Variants in ZFHX4 observed in about 807,000 individuals in gnomAD.
ZFHX4 encodes the protein zinc finger homeobox 4.
A neutral mutation model predicts 267.6 loss-of-function variants in ZFHX4; 56 were observed. The observed-to-expected ratio is 0.21, with a 90% CI of 0.17 to 0.26. ZFHX4 has a LOEUF of 0.26. ZFHX4 is among the 10% of genes least tolerant of loss of function. The probability of loss-of-function intolerance (pLI) is 1.00; values close to 1 mark genes in which losing one functional copy is unlikely to be tolerated. For missense variants in ZFHX4, 4,332 were observed against 4,420.0 expected, an observed-to-expected ratio of 0.98 and a Z score of 0.56; for synonymous variants, 1,778 against 1,665.6, an observed-to-expected ratio of 1.07 and a Z score of -1.64.
At chr8:76,754,365 T>C (rs1286227644) in intron 3 of ZFHX4, among the ~76,000 whole-genome samples, 3 of 152,176 alleles carry the variant, frequency 2.0e-5, no homozygotes, top group Non-Finnish European at 4.4e-5. Context: ...GGTGCGCACC[T>C]GTAATCCCAG....
At chr8:76,783,593 A>G (rs1810610614) in intron 4 of ZFHX4, among the ~76,000 whole-genome samples, 1 of 152,036 alleles carries the variant, frequency 6.6e-6, no homozygotes, top group African/African-American at 2.4e-5. Context: ...ATGTATATAA[A>G]ATATGTGTGC....
intron 3 of ZFHX4, among the ~76,000 whole-genome samples, chr8:76,754,903 T>G (rs1809723020): frequency 6.6e-6 from 1 of 152,162 alleles, no homozygotes; most frequent in Non-Finnish European, 1.5e-5. Flanking sequence ...GAGATCATGT[T>G]TCTTTAGCTC....
At chr8:76,760,323 A>G (rs1051738619) in intron 3 of ZFHX4, among the ~76,000 whole-genome samples, 1 of 152,194 alleles carries the variant, frequency 6.6e-6, no homozygotes, top group African/African-American at 2.4e-5. Context: ...GCAGACACAA[A>G]TTGTTTTATT....
chr8:76,756,715 C>G (rs1809773298), intron 3 of ZFHX4, among the ~76,000 whole-genome samples: 1 of 152,024 alleles, frequency 6.6e-6, no homozygotes, highest in African/African-American at 2.4e-5. Flanking sequence ...TGTCTTTTCC[C>G]TTTTCCCAGT....
chr8:76,789,452 G>A (rs1810778050), intron 4 of ZFHX4, among the ~76,000 whole-genome samples: 1 of 152,094 alleles, frequency 6.6e-6, no homozygotes, highest in African/African-American at 2.4e-5. Flanking sequence ...ATTGTTTTTA[G>A]CTTTCTGCAT....
In ZFHX4 at chr8:76,690,874, T is replaced by C. The variant is rs533272589; in HGVS notation, c.-47+9254T>C. Among the ~76,000 whole-genome samples the C allele has an allele frequency of 2.6e-5, 4 of 152,148 alleles. 1 individual carries two copies. In the South Asian group the frequency reaches 8.3e-4, roughly 32 times the overall value. ...CTTCTAAGAATTGGCCAATATAATC[T>C]CAACAGAAAAGAGCAACTAGGATGG... On this transcript the variant is annotated intron_variant, in intron 1 of 10. Transcript: ENST00000651372.
chr8:76,700,922 C>G (rs570082165), intron 1 of ZFHX4, among the ~76,000 whole-genome samples: 29 of 152,114 alleles, frequency 1.9e-4, no homozygotes, highest in Non-Finnish European at 3.8e-4. Context: ...AGTGAGTTAA[C>G]TTGTTATGCA....
intron 5 of ZFHX4, among the ~76,000 whole-genome samples, chr8:76,838,177 G>A (rs185998267): frequency 1.1e-4 from 16 of 152,268 alleles, no homozygotes; most frequent in African/African-American, 3.6e-4. Context: ...TTCTTGAACG[G>A]TGGTTACAAA....
intron 5 of ZFHX4, chr8:76,834,003 G>C (rs989961168): frequency 3.7e-6 from 1 of 266,678 alleles, no homozygotes; most frequent in African/African-American, 2.3e-5. Context: ...TTTTTAGATT[G>C]GTTTCATTCA....
At chr8:76,809,852 A>G (rs1249836485) in intron 4 of ZFHX4, among the ~76,000 whole-genome samples, 1 of 152,186 alleles carries the variant, frequency 6.6e-6, no homozygotes, top group Non-Finnish European at 1.5e-5. Context: ...AAAATAACCC[A>G]GAGTTAACTT....
intron 1 of ZFHX4, among the ~76,000 whole-genome samples, chr8:76,686,295 C>T (rs1452978066): frequency 6.6e-6 from 1 of 152,132 alleles, no homozygotes; most frequent in East Asian, 1.9e-4. Flanking sequence ...TGTTTTTCTT[C>T]AAGATTCCTG....
chr8:76,702,929 A>G (rs893302195), intron 1 of ZFHX4, among the ~76,000 whole-genome samples: 6 of 151,852 alleles, frequency 4.0e-5, no homozygotes, highest in Admixed American at 1.3e-4. Context: ...GCTGTAATCA[A>G]ACTGCTATTA....
At chr8:76,730,452 G>A (rs111596220) in intron 3 of ZFHX4, among the ~76,000 whole-genome samples, 7,549 of 152,186 alleles carry the variant, frequency 0.05, 396 homozygotes, top group East Asian at 0.24. Flanking sequence ...TGTAATCCTA[G>A]CACTTTGGGA....
At chr8:76,731,946 A>T (rs993883898) in intron 3 of ZFHX4, among the ~76,000 whole-genome samples, 5 of 151,620 alleles carry the variant, frequency 3.3e-5, no homozygotes, top group African/African-American at 4.8e-5. Flanking sequence ...GGTTCAAGCT[A>T]TTCTCCTGCC....
chr8:76,731,313 G>C (rs1809004203), intron 3 of ZFHX4, among the ~76,000 whole-genome samples: 1 of 152,174 alleles, frequency 6.6e-6, no homozygotes, highest in African/African-American at 2.4e-5. Flanking sequence ...AGTACAGTTA[G>C]TAGGGCAAAA....
intron 6 of ZFHX4, among the ~76,000 whole-genome samples, chr8:76,847,924 G>A (rs190841997): frequency 6.6e-6 from 1 of 152,148 alleles, no homozygotes; most frequent in Non-Finnish European, 1.5e-5. Context: ...ATATTTACGT[G>A]GGGTCTGATA....
intron 10 of ZFHX4, 178 bp downstream of exon 10, chr8:76,856,478 G>C (rs543832011): frequency 1.4e-6 from 1 of 705,628 alleles, no homozygotes; most frequent in African/African-American, 1.8e-5. Flanking sequence ...AGGTCAACCT[G>C]AAACACACAC....
chr8:76,767,499 A>T (rs1810082215), intron 3 of ZFHX4, among the ~76,000 whole-genome samples: 1 of 152,144 alleles, frequency 6.6e-6, no homozygotes, highest in Admixed American at 6.6e-5. Context: ...GTATGTGGGT[A>T]TTGAAGTCAT....
chr8:76,755,248 T>C (rs994297622), intron 3 of ZFHX4, among the ~76,000 whole-genome samples: 2 of 152,188 alleles, frequency 1.3e-5, no homozygotes, highest in Non-Finnish European at 1.5e-5. Flanking sequence ...CGTTGTTATA[T>C]ATGGTGTAAA....
Sources: gnomAD v4.1 joint callset for allele counts (sites outside exome capture counted in the v4.1 genomes callset) on GRCh38, gnomAD v4.1.1 for gene constraint, MANE v1.5 for transcripts, NCBI Gene and HGNC (gene_info 2026-07-23, HGNC 2026-07-21) for gene names.